The following CAMKMT variants were observed in gnomAD, a reference collection of about 807,000 sequenced individuals.
CAMKMT encodes CaM KMT.
CAMKMT carries 53 observed loss-of-function variants against 48.0 expected under a neutral mutation model. The observed-to-expected ratio is 1.10, with a 90% confidence interval of 0.89 to 1.39. The LOEUF is 1.39. Ranked by LOEUF, CAMKMT falls within the 40% of genes most tolerant of loss-of-function variation. The pLI, the probability that CAMKMT is intolerant of heterozygous loss-of-function variation, is 0.00. For synonymous variants in CAMKMT, 165 were observed against 152.3 expected (o/e 1.08, Z -0.61); for missense variants, 428 against 402.7 (o/e 1.06, Z -0.54).
At chr2:44,743,905 A>G (rs1222029830) in intron 8 of CAMKMT, among the ~76,000 whole-genome samples, 1 of 152,192 alleles carries the variant, frequency 6.6e-6, no homozygotes, top group African/African-American at 2.4e-5. Context: ...TTTCCCAAAG[A>G]TTGATTTTGA....
chr2:44,531,846 C>A (rs1161554047), intron 3 of CAMKMT, among the ~76,000 whole-genome samples: 1 of 152,040 alleles, frequency 6.6e-6, no homozygotes, highest in Non-Finnish European at 1.5e-5. Context: ...TTAAAAAGAA[C>A]ATAATTTTTG....
At chr2:44,550,430 C>A (rs1200037372) in intron 3 of CAMKMT, among the ~76,000 whole-genome samples, 2 of 151,582 alleles carry the variant, frequency 1.3e-5, no homozygotes, top group Admixed American at 6.6e-5. Flanking sequence ...GACTGACAGT[C>A]ATGTAAGATC....
intron 3 of CAMKMT, among the ~76,000 whole-genome samples, chr2:44,698,823 T>C (rs545955761): frequency 1.3e-5 from 2 of 152,340 alleles, no homozygotes; most frequent in South Asian, 4.1e-4. Flanking sequence ...CAGTAGAACT[T>C]CTTTCGAAAT....
At position 44,632,825 on chromosome 2, in the gene CAMKMT, T is replaced by A. The variant is rs150783283; in HGVS notation, c.377-71458T>A. On this transcript the variant is annotated intron_variant, in intron 3 of 10. Coordinates refer to ENST00000378494, the MANE Select transcript of CAMKMT (RefSeq NM_024766.5). ...GACTGGCCTAGCCTCCCAGCCTACA[T>A]CTTTCTCCTATGCTGAATGCTTCCT... Among the ~76,000 whole-genome samples, 9 of 152,254 alleles carry A rather than the reference T, an allele frequency of 5.9e-5. No individual in the cohort carries two copies. In the East Asian group the frequency reaches 1.7e-3, roughly 29 times the overall value.
intron 3 of CAMKMT, among the ~76,000 whole-genome samples, chr2:44,513,584 A>G (rs1249725044): frequency 6.6e-6 from 1 of 152,212 alleles, no homozygotes; most frequent in Non-Finnish European, 1.5e-5. Flanking sequence ...TTGGTACACA[A>G]GAAAGGAGAG....
chr2:44,520,057 A>C (rs1021161574), intron 3 of CAMKMT, among the ~76,000 whole-genome samples: 1 of 147,882 alleles, frequency 6.8e-6, no homozygotes. Context: ...TAAAAATACA[A>C]AAAAAAAAAA....
chr2:44,603,816 A>G (rs1391665599), intron 3 of CAMKMT, among the ~76,000 whole-genome samples: 1 of 152,176 alleles, frequency 6.6e-6, no homozygotes, highest in Non-Finnish European at 1.5e-5. Context: ...TGCTGGCTGG[A>G]TTCATTTTAA....
intron 2 of CAMKMT, among the ~76,000 whole-genome samples, chr2:44,381,079 G>C (rs1160708099): frequency 2.0e-5 from 3 of 152,170 alleles, no homozygotes; most frequent in Non-Finnish European, 2.9e-5. Context: ...AGAATCGCTT[G>C]AACCCGGGAG....
chr2:44,494,224 A>G (rs977797571), intron 3 of CAMKMT, among the ~76,000 whole-genome samples: 2 of 152,236 alleles, frequency 1.3e-5, no homozygotes, highest in African/African-American at 4.8e-5. Context: ...TTACTCTTGG[A>G]TGTCAGTAGA....
chr2:44,437,388 G>T (rs992056687), intron 3 of CAMKMT, among the ~76,000 whole-genome samples: 2 of 152,320 alleles, frequency 1.3e-5, no homozygotes, highest in African/African-American at 4.8e-5. Context: ...CCCAAGCAGG[G>T]TTACTGGGGG....
intron 3 of CAMKMT, among the ~76,000 whole-genome samples, chr2:44,599,448 TG>T (rs1018434810): frequency 5.9e-5 from 9 of 152,112 alleles, no homozygotes; most frequent in African/African-American, 1.9e-4. Flanking sequence ...ATGAATGAGC[TG>T]GAAAAAATGT....
chr2:44,362,166 C>G (rs1390119584), intron 1 of CAMKMT, 21 bp downstream of exon 1: 2 of 1,452,562 alleles, frequency 1.4e-6, no homozygotes, highest in Non-Finnish European at 1.8e-6. Flanking sequence ...ACCTGCTCGC[C>G]TCACCTTTGC....
At chr2:44,411,411 A>G (rs1683195837) in intron 3 of CAMKMT, among the ~76,000 whole-genome samples, 1 of 152,238 alleles carries the variant, frequency 6.6e-6, no homozygotes, top group Non-Finnish European at 1.5e-5. Context: ...GGAAATGTAT[A>G]CTTTATACTC....
chr2:44,373,495 A>G (rs1679381630), intron 2 of CAMKMT, among the ~76,000 whole-genome samples: 1 of 152,208 alleles, frequency 6.6e-6, no homozygotes, highest in Non-Finnish European at 1.5e-5. Context: ...GCATGTTGCA[A>G]TATTACTGTA....
At chr2:44,421,069 T>A (rs1184315258) in intron 3 of CAMKMT, among the ~76,000 whole-genome samples, 1 of 152,092 alleles carries the variant, frequency 6.6e-6, no homozygotes, top group African/African-American at 2.4e-5. Context: ...TAAATATTTA[T>A]TGAGAAGTGA....
chr2:44,551,461 A>G (rs1255485268), intron 3 of CAMKMT, among the ~76,000 whole-genome samples: 1 of 152,286 alleles, frequency 6.6e-6, no homozygotes, highest in Non-Finnish European at 1.5e-5. Flanking sequence ...AGTTTTATGC[A>G]TAAGAAAGAA....
At chr2:44,756,704 T>A (rs1489047459) in intron 9 of CAMKMT, among the ~76,000 whole-genome samples, 3 of 147,798 alleles carry the variant, frequency 2.0e-5, no homozygotes, top group Non-Finnish European at 4.5e-5. Flanking sequence ...ATCACGTCAC[T>A]GCATTCTGGC....
intron 3 of CAMKMT, among the ~76,000 whole-genome samples, chr2:44,594,238 G>A (rs777339915): frequency 4.6e-5 from 7 of 152,076 alleles, no homozygotes; most frequent in Non-Finnish European, 8.8e-5. Flanking sequence ...CATACTGCCC[G>A]AAGTAATTTA....
At chr2:44,520,354 C>T (rs894354395) in intron 3 of CAMKMT, among the ~76,000 whole-genome samples, 1 of 152,080 alleles carries the variant, frequency 6.6e-6, no homozygotes, top group Non-Finnish European at 1.5e-5. Flanking sequence ...CTCAGCCTCC[C>T]GATCCGCCTG....
Sources: allele counts gnomAD v4.1 joint callset (sites outside exome capture counted in the v4.1 genomes callset), GRCh38; gene constraint gnomAD v4.1.1; transcripts MANE v1.5; gene names NCBI Gene and HGNC (gene_info 2026-07-23, HGNC 2026-07-21).